TTC6: variants seen among roughly 807,000 people sequenced by gnomAD.
TTC6 encodes tetratricopeptide repeat protein 6.
In TTC6, 172 loss-of-function variants were observed where a neutral mutation model predicts 210.4. That is an observed-to-expected ratio of 0.82 (90% CI 0.72 to 0.93). The LOEUF is 0.93. Among genes scored for constraint, TTC6 ranks in the 40% least tolerant of loss-of-function variants. The pLI is 0.00. For missense variants in TTC6, 2,414 were observed against 2,318.1 expected, an observed-to-expected ratio of 1.04 and a Z score of -0.85; for synonymous variants, 804 against 819.6, an observed-to-expected ratio of 0.98 and a Z score of 0.32.
At chr14:37,631,282 A>C (rs1337082117) in intron 1 of TTC6, among the ~76,000 whole-genome samples, 1 of 152,040 alleles carries the variant, frequency 6.6e-6, no homozygotes, top group Admixed American at 6.5e-5. Context: ...TGCTTCCTTC[A>C]GGAGCTCTAG....
intron 29 of TTC6, among the ~76,000 whole-genome samples, chr14:37,838,810 C>T (rs1009693788): frequency 6.6e-6 from 1 of 152,170 alleles, no homozygotes; most frequent in African/African-American, 2.4e-5. Flanking sequence ...ATCCCTCCCC[C>T]ACCCACTGAC....
chr14:37,710,270 T>C (rs915130518), intron 5 of TTC6, among the ~76,000 whole-genome samples: 2 of 152,070 alleles, frequency 1.3e-5, no homozygotes, highest in Non-Finnish European at 2.9e-5. Flanking sequence ...TAGGGGAAGA[T>C]TGTTGGAGGG....
At chr14:37,686,368 G>A (rs1182335501) in intron 3 of TTC6, among the ~76,000 whole-genome samples, 1 of 152,176 alleles carries the variant, frequency 6.6e-6, no homozygotes, top group African/African-American at 2.4e-5. Flanking sequence ...GCTTATGAAA[G>A]CCTCCCAATG....
At chr14:37,754,078 A>G (rs1299594925) in intron 14 of TTC6, among the ~76,000 whole-genome samples, 2 of 152,096 alleles carry the variant, frequency 1.3e-5, no homozygotes, top group African/African-American at 4.8e-5. Flanking sequence ...ATTTTTTAAA[A>G]TATTATTTTA....
chr14:37,783,616 G>A (rs2096060668), intron 14 of TTC6, among the ~76,000 whole-genome samples: 1 of 151,878 alleles, frequency 6.6e-6, no homozygotes. Context: ...AGGATTTTTT[G>A]TGTCTCTATC....
chr14:37,737,195 A>G (rs895262357), intron 8 of TTC6, among the ~76,000 whole-genome samples: 1 of 152,166 alleles, frequency 6.6e-6, no homozygotes, highest in African/African-American at 2.4e-5. Context: ...GTGTTATTAT[A>G]GTAAGTGGTA....
intron 25 of TTC6, among the ~76,000 whole-genome samples, chr14:37,816,663 T>C (rs1566971504): frequency 6.6e-6 from 1 of 152,198 alleles, no homozygotes; most frequent in Non-Finnish European, 1.5e-5. Context: ...TCCTATATTA[T>C]AGCAATCAGT....
chr14:37,739,568 TAAAAA>T (rs869033607), intron 10 of TTC6, among the ~76,000 whole-genome samples: 197 of 122,368 alleles, frequency 1.6e-3, no homozygotes, highest in Non-Finnish European at 2.6e-3. Flanking sequence ...GACTCCATCT[TAAAAA>T]AAAAAAAAAA....
At chr14:37,610,010 C>T (rs2095631710) in intron 2 of TTC6, among the ~76,000 whole-genome samples, 1 of 152,130 alleles carries the variant, frequency 6.6e-6, no homozygotes, top group Non-Finnish European at 1.5e-5. Flanking sequence ...CATTTTTGAA[C>T]ACATTGTATT....
chr14:37,692,821 TGCACTCCA>T (rs1233809220), intron 3 of TTC6, among the ~76,000 whole-genome samples: 2 of 151,618 alleles, frequency 1.3e-5, no homozygotes, highest in Non-Finnish European at 2.9e-5. Context: ...ATCACACCAC[TGCACTCCA>T]GCCTCAGCAA....
At chr14:37,622,337 G>A in exon 1 of TTC6, 1 of 1,531,908 alleles carries the variant, frequency 6.5e-7, no homozygotes. Flanking sequence ...CCCTCCTGCA[G>A]GAGGTGCTCG....
intron 1 of TTC6, among the ~76,000 whole-genome samples, chr14:37,651,378 C>A (rs1660455685): frequency 3.9e-5 from 4 of 101,758 alleles, no homozygotes; most frequent in East Asian, 6.9e-4. Context: ...AATATATGCA[C>A]TGTTTATGTT....
chr14:37,841,115 C>T (rs1261815893), intron 29 of TTC6, among the ~76,000 whole-genome samples: 3 of 152,148 alleles, frequency 2.0e-5, no homozygotes, highest in Admixed American at 6.5e-5. Flanking sequence ...GTGATCCACC[C>T]GTCTTGGCCT....
intron 13 of TTC6, among the ~76,000 whole-genome samples, chr14:37,751,947 C>T (rs2139039713): frequency 6.6e-6 from 1 of 151,486 alleles, no homozygotes; most frequent in Non-Finnish European, 1.5e-5. Context: ...CCTCAGCCTC[C>T]CAAGCAGCTG....
At chr14:37,727,467 GTA>G in intron 7 of TTC6, among the ~76,000 whole-genome samples, 1 of 151,510 alleles carries the variant, frequency 6.6e-6, no homozygotes, top group Non-Finnish European at 1.5e-5. Flanking sequence ...CTAATTTTTT[GTA>G]TTTTTAGTAG....
intron 19 of TTC6, 138 bp from the exon 22 acceptor site, chr14:37,796,649 T>A: frequency 1.2e-6 from 1 of 815,398 alleles, no homozygotes; most frequent in South Asian, 2.2e-5. Context: ...GATCTTACTA[T>A]GATTTGTTAA....
At chr14:37,737,686 A>T in exon 9 of TTC6, 1 of 1,524,510 alleles carries the variant, frequency 6.6e-7, no homozygotes, top group Non-Finnish European at 8.8e-7. Context: ...AATCTGCATC[A>T]TTTGAAAGTA....
intron 1 of TTC6, among the ~76,000 whole-genome samples, chr14:37,603,888 G>A (rs563402953): frequency 6.6e-6 from 1 of 152,216 alleles, no homozygotes; most frequent in South Asian, 2.1e-4. Context: ...TACTGCAGGG[G>A]ACTAGCTCTC....
Position 37,808,857 on chromosome 14 carries a change from C to T in TTC6, c.4569+11C>T. On this transcript the variant is annotated intron_variant, in intron 24 of 30. Transcript: ENST00000553443. ...AGGGAACTTCAAATGGTAAGATGAC[C>T]ATTTTAGTAAACAATGTGTTTAAAG... The T allele has an allele frequency of 1.5e-6, 2 of 1,338,974 alleles. No homozygotes were observed. The highest frequency in any genetic ancestry group is 2.1e-6 in the Non-Finnish European group (2 of 958,456). 82.9% of individuals were successfully genotyped at this position (1,338,974 alleles called of 1,614,324 possible). A position where few individuals can be genotyped will look rare whatever the true frequency, so the allele number is the denominator to read the frequency against.
Sources: allele counts gnomAD v4.1 joint callset (sites outside exome capture counted in the v4.1 genomes callset), GRCh38; gene constraint gnomAD v4.1.1; transcripts MANE v1.5; gene names NCBI Gene and HGNC (gene_info 2026-07-23, HGNC 2026-07-21).